The following TIMP3 variants were observed in gnomAD, a reference collection of about 807,000 sequenced individuals.
TIMP3 encodes metalloproteinase inhibitor 3.
A neutral mutation model predicts 30.0 loss-of-function variants in TIMP3; 11 were observed. The ratio of observed to expected loss-of-function variants is 0.37; its 90% CI spans 0.23 to 0.61. The LOEUF is 0.61. Ranked by LOEUF, TIMP3 falls within the 20% of genes least tolerant of loss-of-function variation. The probability of loss-of-function intolerance (pLI) is 0.70; values close to 1 mark genes in which losing one functional copy is unlikely to be tolerated. For synonymous variants in TIMP3, 112 were observed against 111.3 expected (o/e 1.01, Z -0.04); for missense variants, 181 against 276.8 (o/e 0.65, Z 2.45).
rs1060198 is a variant in TIMP3 at position 32,859,690 on chromosome 22, C to T, written c.*313C>T. On this transcript the variant is annotated 3_prime_UTR_variant, in exon 5 of 5. Coordinates refer to ENST00000266085, the MANE Select transcript of TIMP3 (RefSeq NM_000362.5). The stretch of plus-strand genomic sequence containing the variant: ...TATAATCTCTATTTTTTTAGGAAAA[C>T]AAAAATGAAAAACTACTCCATTTGA... 1 of 327,798 alleles carries T rather than the reference C, an allele frequency of 3.1e-6. No individual in the cohort carries two copies. Among genetic ancestry groups the T allele is most frequent in the Non-Finnish European group, 5.6e-6 (1 of 177,834 alleles). 20.3% of individuals were successfully genotyped at this position (327,798 alleles called of 1,614,324 possible).
chr22:32,858,760 C>T (rs1243141611), intron 4 of TIMP3, among the ~76,000 whole-genome samples: 1 of 152,096 alleles, frequency 6.6e-6, no homozygotes, highest in Admixed American at 6.5e-5. Flanking sequence ...GCCCTAGGTC[C>T]CACAGTTCAC....
intron 1 of TIMP3, among the ~76,000 whole-genome samples, chr22:32,813,813 T>C (rs2046981666): frequency 1.3e-5 from 2 of 152,292 alleles, no homozygotes; most frequent in Admixed American, 1.3e-4. Context: ...GGTCTCATTT[T>C]TCCTATCTGT....
rs1014612107 is a variant in TIMP3 at position 32,861,519 on chromosome 22, C to T, written c.*2142C>T. The T allele has an allele frequency of 6.6e-6, 1 of 152,362 alleles. No individual in the cohort carries two copies. The highest frequency in any genetic ancestry group is 1.5e-5 in the Non-Finnish European group (1 of 68,052). The allele number at this position is 152,362 out of a possible 1,614,324, so 9.4% of individuals were successfully genotyped here. ...CCTGACCAACCTACACAAGTTCCCT[C>T]CCACAAGTGGACATCAGTGTCTTCT... On this transcript the variant is annotated 3_prime_UTR_variant, in exon 5 of 5. Coordinates refer to ENST00000266085, the MANE Select transcript of TIMP3 (RefSeq NM_000362.5).
intron 1 of TIMP3, among the ~76,000 whole-genome samples, chr22:32,846,885 C>G (rs915052500): frequency 6.6e-6 from 1 of 152,146 alleles, no homozygotes; most frequent in African/African-American, 2.4e-5. Flanking sequence ...ACTGAACTAT[C>G]CTCAGATGAA....
chr22:32,811,571 G>T (rs1279400760), intron 1 of TIMP3, among the ~76,000 whole-genome samples: 1 of 152,064 alleles, frequency 6.6e-6, no homozygotes, highest in East Asian at 1.9e-4. Context: ...CTTCCCACAG[G>T]GCAGAGAAAG....
Position 32,859,548 on chromosome 22 carries a change from C to A in TIMP3, c.*171C>A. 1.2e-6 allele frequency: 1 copy of A among 819,482 alleles called. No homozygotes were observed. Among genetic ancestry groups the A allele is most frequent in the Non-Finnish European group, 1.9e-6 (1 of 537,984 alleles). The allele number at this position is 819,482 out of a possible 1,614,324, so 50.8% of individuals were successfully genotyped here. A position where few individuals can be genotyped will look rare whatever the true frequency, so the allele number is the denominator to read the frequency against. The stretch of plus-strand genomic sequence containing the variant: ...TCATATGGGGTTTATTGGGAACTAT[C>A]CTCCTGGCCCCACCCTGCCCCTTCT... On this transcript the variant is annotated 3_prime_UTR_variant, in exon 5 of 5. Transcript: ENST00000266085.
chr22:32,851,396 C>T lies in TIMP3; in HGVS notation c.204+1862C>T, dbSNP rs555047177. On this transcript the variant is annotated intron_variant, in intron 2 of 4. Coordinates refer to ENST00000266085, the MANE Select transcript of TIMP3 (RefSeq NM_000362.5). ...GAGGCCCTTCCTGTGGACATAATGT[C>T]CCATTCCCCCTTGCTGGTGTCAGAC... 5.3e-4 allele frequency among the ~76,000 whole-genome samples: 80 copies of T among 152,216 alleles called. No individual in the cohort carries two copies. The South Asian group carries it at 0.017, about 32-fold the overall frequency.
At chr22:32,830,687 G>T (rs2047546870) in intron 1 of TIMP3, among the ~76,000 whole-genome samples, 1 of 152,144 alleles carries the variant, frequency 6.6e-6, no homozygotes, top group African/African-American at 2.4e-5. Flanking sequence ...ATACCACTGT[G>T]TGTCTGTCCC....
At position 32,810,914 on chromosome 22, in the gene TIMP3, A is replaced by G. The variant is rs536091607; in HGVS notation, c.121+8792A>G. 6.2e-4 allele frequency among the ~76,000 whole-genome samples: 95 copies of G among 152,328 alleles called. 1 individual carries two copies. The highest frequency in any genetic ancestry group is 2.2e-3 in the African/African-American group (93 of 41,574). ...TTCGATTTGGAAACATGATAGCTCT[A>G]GTGAGCTCTGCTACTCCCAAGCTTG... is the stretch of plus-strand genomic sequence containing the variant. On this transcript the variant is annotated intron_variant, in intron 1 of 4. Transcript: ENST00000266085.
intron 1 of TIMP3, among the ~76,000 whole-genome samples, chr22:32,840,329 G>C (rs2047858100): frequency 6.6e-6 from 1 of 152,144 alleles, no homozygotes; most frequent in South Asian, 2.1e-4. Flanking sequence ...TATCTTGATG[G>C]GGAGTGCATG....
chr22:32,828,494 T>C (rs927791274), intron 1 of TIMP3, among the ~76,000 whole-genome samples: 2 of 152,228 alleles, frequency 1.3e-5, no homozygotes, highest in Admixed American at 6.5e-5. Flanking sequence ...AGGAGCAGAA[T>C]TGAAATAAGT....
At chr22:32,808,919 T>G (rs568040005) in intron 1 of TIMP3, among the ~76,000 whole-genome samples, 2 of 152,156 alleles carry the variant, frequency 1.3e-5, no homozygotes, top group South Asian at 4.1e-4. Context: ...CTAACCCACT[T>G]TAGAGGGTAA....
chr22:32,807,355 AATATATAATATATATT>A, intron 1 of TIMP3, among the ~76,000 whole-genome samples: 1 of 19,910 alleles, frequency 5.0e-5, no homozygotes, highest in Non-Finnish European at 9.6e-5. Context: ...ATAAATATAT[AATATATAATATATATT>A]ATATATAATA....
At chr22:32,807,349 AT>A (rs1274955393) in intron 1 of TIMP3, among the ~76,000 whole-genome samples, 1 of 1,048 alleles carries the variant, frequency 9.5e-4, no homozygotes, top group African/African-American at 2.9e-3. Flanking sequence ...TAATATATAA[AT>A]ATATAATATA....
intron 1 of TIMP3, among the ~76,000 whole-genome samples, chr22:32,811,429 G>A (rs914347768): frequency 2.6e-5 from 4 of 152,126 alleles, no homozygotes; most frequent in African/African-American, 7.2e-5. Flanking sequence ...CTTCACTTTC[G>A]GTGAGGAAAA....
At chr22:32,856,432 C>T (rs1362404196) in intron 2 of TIMP3, among the ~76,000 whole-genome samples, 3 of 152,058 alleles carry the variant, frequency 2.0e-5, no homozygotes, top group Non-Finnish European at 1.5e-5. Context: ...AGATCAGTGA[C>T]CGGCCACTGG....
intron 1 of TIMP3, among the ~76,000 whole-genome samples, chr22:32,807,958 A>G (rs1222536937): frequency 6.6e-6 from 1 of 152,112 alleles, no homozygotes; most frequent in African/African-American, 2.4e-5. Flanking sequence ...TATAATTTTT[A>G]TTGACTTACT....
chr22:32,821,048 A>G (rs2047232899), intron 1 of TIMP3, among the ~76,000 whole-genome samples: 1 of 152,108 alleles, frequency 6.6e-6, no homozygotes, highest in Admixed American at 6.5e-5. Context: ...TAGAGAATTT[A>G]TATTTTTGAG....
intron 1 of TIMP3, among the ~76,000 whole-genome samples, chr22:32,845,078 T>C (rs1279522632): frequency 6.6e-6 from 1 of 152,016 alleles, no homozygotes; most frequent in Non-Finnish European, 1.5e-5. Flanking sequence ...CAGATTCTCT[T>C]CCTAAGAGCA....
Sources: allele counts gnomAD v4.1 joint callset (sites outside exome capture counted in the v4.1 genomes callset), GRCh38; gene constraint gnomAD v4.1.1; transcripts MANE v1.5; gene names NCBI Gene and HGNC (gene_info 2026-07-23, HGNC 2026-07-21).